The following CCDC77 variants were observed in gnomAD, a reference collection of about 807,000 sequenced individuals.
CCDC77 encodes coiled-coil domain-containing protein 77.
A neutral mutation model predicts 66.8 loss-of-function variants in CCDC77; 56 were observed. That is an observed-to-expected ratio of 0.84 (90% CI 0.68 to 1.05). The LOEUF (loss-of-function observed/expected upper bound fraction) is 1.05, where lower values mean the gene tolerates loss of function less well. CCDC77 is among the 50% of genes least tolerant of loss of function. The probability of loss-of-function intolerance (pLI) is 0.00; values close to 1 mark genes in which losing one functional copy is unlikely to be tolerated. For missense variants in CCDC77, 570 were observed against 576.8 expected, an observed-to-expected ratio of 0.99 and a Z score of 0.12; for synonymous variants, 196 against 195.2, an observed-to-expected ratio of 1.00 and a Z score of -0.03.
intron 3 of CCDC77, 44 bp from the exon 4 acceptor site, chr12:411,703 C>A: frequency 6.7e-7 from 1 of 1,499,808 alleles, no homozygotes; most frequent in Non-Finnish European, 9.2e-7. Flanking sequence ...AACTCATAAA[C>A]TTTCGCAGAG....
intron 8 of CCDC77, 123 bp downstream of exon 8, chr12:432,077 G>A: frequency 3.5e-6 from 2 of 578,538 alleles, no homozygotes; most frequent in Non-Finnish European, 6.2e-6. Flanking sequence ...AGCATCATGT[G>A]GTTAAGAAAA....
rs536860360 is a variant in CCDC77 at position 427,106 on chromosome 12, A to G, written c.414-1663A>G. Among the ~76,000 whole-genome samples, 775 of 152,162 alleles carry G rather than the reference A, an allele frequency of 5.1e-3. 1 individual carries two copies. Among genetic ancestry groups the G allele is most frequent in the South Asian group, 0.012 (60 of 4,818 alleles). ...CTAAAAATACAAAAATTAGCTGGGC[A>G]TTGTGGCATGCGCCTGTAGTCCCAG... On this transcript the variant is annotated intron_variant, in intron 5 of 12. Transcript: ENST00000239830.
chr12:427,218 C>T (rs925933514), intron 5 of CCDC77, among the ~76,000 whole-genome samples: 2 of 151,552 alleles, frequency 1.3e-5, no homozygotes, highest in African/African-American at 4.9e-5. Context: ...GCACTCCAGC[C>T]TGGGCGACAG....
intron 9 of CCDC77, among the ~76,000 whole-genome samples, chr12:434,474 T>C (rs1945711615): frequency 6.6e-6 from 1 of 151,988 alleles, no homozygotes; most frequent in Admixed American, 6.6e-5. Flanking sequence ...TGCCTCAGCC[T>C]TCCAAGTAGC....
intron 1 of CCDC77, among the ~76,000 whole-genome samples, chr12:395,617 A>C (rs1335435540): frequency 6.6e-6 from 1 of 152,054 alleles, no homozygotes; most frequent in East Asian, 1.9e-4. Context: ...GTACAGGCCG[A>C]GTGTGCTGGC....
rs1037094515 is a variant in CCDC77, at chr12:418,478, T to A, written c.271-16T>A. ...ACCCAGTGTCTTTCAACTATCTTAT[T>A]GTGGTTTTTTTGCAGCATAAACTTG... is the stretch of plus-strand genomic sequence containing the variant. On this transcript the variant is annotated splice_polypyrimidine_tract_variant and intron_variant, in intron 4 of 12. Coordinates refer to ENST00000239830, the MANE Select transcript of CCDC77 (RefSeq NM_032358.4). The A allele has an allele frequency of 2.2e-5, 36 of 1,613,490 alleles. No individual in the cohort carries two copies. Among genetic ancestry groups the A allele is most frequent in the Non-Finnish European group, 2.7e-5 (32 of 1,179,576 alleles).
chr12:431,066 CAAAAAAAAA>C lies in CCDC77; in HGVS notation c.583+341_583+349del, dbSNP rs372949107. 3.5e-3 allele frequency among the ~76,000 whole-genome samples: 371 copies of C among 105,598 alleles called. 2 individuals are homozygous for C. Among genetic ancestry groups the C allele is most frequent in the African/African-American group, 0.013 (354 of 27,160 alleles). The allele number at this position is 105,598 out of a possible 152,430, so 69.3% of individuals were successfully genotyped here. ...TTGCGTGACAGAGCAAGACTATCTC[CAAAAAAAAA>C]AAAAAAAAAACAGAACACACAATTG... is the stretch of plus-strand genomic sequence containing the variant. On this transcript the variant is annotated intron_variant, in intron 7 of 12. Coordinates refer to ENST00000239830, the MANE Select transcript of CCDC77 (RefSeq NM_032358.4).
chr12:400,154 C>CT (rs1169607814), upstream of CCDC77, among the ~76,000 whole-genome samples: 5 of 152,208 alleles, frequency 3.3e-5, no homozygotes, highest in African/African-American at 7.2e-5. Flanking sequence ...TATCTTCCAC[C>CT]TTTTCTTCTG....
chr12:441,196 T>G (rs1945851667), intron 12 of CCDC77, among the ~76,000 whole-genome samples, 200 bp downstream of exon 12: 1 of 152,236 alleles, frequency 6.6e-6, no homozygotes, highest in Admixed American at 6.5e-5. Context: ...ATTGAACGAC[T>G]GCATCATTCA....
At chr12:415,384 T>TGTTAATATAATTAACATAA (rs1945218585) in intron 4 of CCDC77, among the ~76,000 whole-genome samples, 1 of 102,974 alleles carries the variant, frequency 9.7e-6, no homozygotes, top group African/African-American at 3.6e-5. Flanking sequence ...CAACATAATA[T>TGTTAATATAATTAACATAA]TATGTTAATA....
upstream of CCDC77, among the ~76,000 whole-genome samples, chr12:396,909 G>A (rs907814826): frequency 5.3e-5 from 8 of 152,092 alleles, no homozygotes; most frequent in African/African-American, 1.7e-4. Context: ...TGACAGACCC[G>A]GAATTGAATT....
chr12:420,549 G>A (rs1235933855), intron 5 of CCDC77, among the ~76,000 whole-genome samples: 1 of 57,628 alleles, frequency 1.7e-5, no homozygotes, highest in Non-Finnish European at 3.1e-5. Context: ...CTGTGTGTGT[G>A]TGCTGGGAGT....
At chr12:410,919 T>A (rs183003873) in intron 3 of CCDC77, among the ~76,000 whole-genome samples, 52 of 152,280 alleles carry the variant, frequency 3.4e-4, no homozygotes, top group Admixed American at 2.9e-3. Context: ...TCTGTTTTTT[T>A]AAATTATCTT....
At position 411,970 on chromosome 12, in the gene CCDC77, G is replaced by A; in HGVS notation, c.262G>A (p.Glu88Lys). 6.2e-7 allele frequency: 1 copy of A among 1,612,438 alleles called. No individual in the cohort carries two copies. Among genetic ancestry groups the A allele is most frequent in the Non-Finnish European group, 8.5e-7 (1 of 1,178,894 alleles). ...KKLELYKEAC[E>K]GQHKLECDLQ... ...ACTGGAACTCTACAAAGAAGCTTGT[G>A]AAGGACAGGTAAAGAAACGATGCTG... is the stretch of plus-strand genomic sequence containing the variant. Residue 88 changes from glutamate (E) to lysine (K), a missense_variant, in exon 4 of 13, where the codon GAA becomes AAA. Glu to Lys is a moderately conservative substitution (Grantham distance 56). Transcript: ENST00000239830.
intron 5 of CCDC77, among the ~76,000 whole-genome samples, chr12:427,003 TG>T (rs879710456): frequency 3.6e-4 from 55 of 152,220 alleles, no homozygotes; most frequent in Non-Finnish European, 4.9e-4. Context: ...CCCAGCACTT[TG>T]GGGTGGCTGA....
chr12:424,268 TATAGAA>T (rs1459483677), intron 5 of CCDC77, among the ~76,000 whole-genome samples: 28 of 152,192 alleles, frequency 1.8e-4, no homozygotes, highest in African/African-American at 6.7e-4. Flanking sequence ...CGTGCCTGGC[TATAGAA>T]GTTCATTATA....
chr12:426,963 A>G (rs974871629), intron 5 of CCDC77, among the ~76,000 whole-genome samples: 8 of 152,038 alleles, frequency 5.3e-5, no homozygotes, highest in African/African-American at 1.9e-4. Flanking sequence ...AATTGTCTCT[A>G]GGACTTAAAA....
chr12:398,214 A>G (rs1386144686), upstream of CCDC77, among the ~76,000 whole-genome samples: 1 of 152,206 alleles, frequency 6.6e-6, no homozygotes, highest in East Asian at 1.9e-4. Flanking sequence ...CCCATAGTAG[A>G]ACTTCTTTCA....
intron 1 of CCDC77, among the ~76,000 whole-genome samples, chr12:404,329 A>T (rs1160407212): frequency 6.6e-6 from 1 of 152,230 alleles, no homozygotes; most frequent in African/African-American, 2.4e-5. Context: ...AAAAATAAAT[A>T]AATAAATAGG....
Sources: gnomAD v4.1 joint callset for allele counts (sites outside exome capture counted in the v4.1 genomes callset) on GRCh38, gnomAD v4.1.1 for gene constraint, MANE v1.5 for transcripts, NCBI Gene and HGNC (gene_info 2026-07-23, HGNC 2026-07-21) for gene names.